The following LSM14B variants were observed in gnomAD, a reference collection of about 807,000 sequenced individuals.
LSM14B encodes the protein protein LSM14 homolog B.
Under a neutral mutation model 42.1 loss-of-function variants are expected in LSM14B, and 8 were observed. The ratio of observed to expected loss-of-function variants is 0.19; its 90% CI spans 0.11 to 0.34. The LOEUF is 0.34. Among genes scored for constraint, LSM14B ranks in the 10% least tolerant of loss-of-function variants. LSM14B has a pLI of 1.00. For synonymous variants in LSM14B, 219 were observed against 209.7 expected (o/e 1.04, Z -0.38); for missense variants, 396 against 513.1 (o/e 0.77, Z 2.21).
intron 4 of LSM14B, 41 bp downstream of exon 4, chr20:62,129,993 T>C (rs1208091282): frequency 6.4e-7 from 1 of 1,564,858 alleles, no homozygotes; most frequent in African/African-American, 1.4e-5. Context: ...CTTGATGTTC[T>C]AAAAGTGGCA....
intron 1 of LSM14B, among the ~76,000 whole-genome samples, chr20:62,124,407 C>G (rs925025340): frequency 6.6e-6 from 1 of 152,234 alleles, no homozygotes; most frequent in Non-Finnish European, 1.5e-5. Context: ...CTAGAGCTGT[C>G]TGTTGTCTGG....
intron 3 of LSM14B, chr20:62,128,009 T>C: frequency 1.6e-6 from 1 of 609,746 alleles, no homozygotes. Context: ...CTGGGGTTTT[T>C]GCTGGGTCCT....
At chr20:62,128,312 G>A (rs948755032) in intron 3 of LSM14B, among the ~76,000 whole-genome samples, 3 of 152,194 alleles carry the variant, frequency 2.0e-5, no homozygotes, top group Admixed American at 1.3e-4. Flanking sequence ...TGACGATCTT[G>A]CTGTATGTTT....
chr20:62,131,272 G>C, intron 6 of LSM14B, 84 bp from the exon 7 acceptor site: 3 of 1,466,842 alleles, frequency 2.0e-6, no homozygotes, highest in Non-Finnish European at 2.7e-6. Context: ...GGTGGCTTCC[G>C]AGTGAGCCCG....
At chr20:62,133,519 G>A in intron 8 of LSM14B, 44 bp downstream of exon 8, 1 of 1,581,478 alleles carries the variant, frequency 6.3e-7, no homozygotes, top group Admixed American at 1.9e-5. Flanking sequence ...GAGGGTGTAG[G>A]GTCAGGCACA....
Position 62,131,477 on chromosome 20 carries a change from C to T in LSM14B, c.957C>T (p.Phe319=), listed in dbSNP as rs770900054. The T allele has an allele frequency of 1.8e-5, 29 of 1,613,634 alleles. No individual in the cohort carries two copies. Among genetic ancestry groups the T allele is most frequent in the Non-Finnish European group, 2.1e-5 (25 of 1,179,884 alleles). The change falls in exon 7 of 9, where the codon TTC becomes TTT. Residue 319 remains phenylalanine (F), a synonymous_variant. Coordinates refer to ENST00000279068, the MANE Select transcript of LSM14B (RefSeq NM_144703.3). ...ACTATGACAAATCCAAGTCGTTCTT[C>T]GACAACATCTCTTCTGAACTCAAGA... ...NCYYDKSKSF[F]DNISSELKTS...
intron 3 of LSM14B, among the ~76,000 whole-genome samples, chr20:62,127,017 T>A (rs1440694708): frequency 4.6e-5 from 7 of 152,300 alleles, no homozygotes; most frequent in Admixed American, 3.9e-4. Flanking sequence ...TAGGTGGAAG[T>A]CCTGGTATAT....
In LSM14B at chr20:62,129,872, A is replaced by C. The variant is rs199952781; in HGVS notation, c.515A>C (p.Lys172Thr). The change falls in exon 4 of 9, where the codon AAA becomes ACA. Residue 172 changes from lysine (K) to threonine (T), a missense_variant. Transcript: ENST00000279068. ...GGTTCTGCTGACAACCTGAATGCTA[A>C]AAAGCTGTTACCTGGCAAGGGCACC... Reference protein sequence around the residue: ...QTGSADNLNAKKLLPGKGTTG... With the variant: ...QTGSADNLNATKLLPGKGTTG... 4 of 1,613,124 alleles carry C rather than the reference A, an allele frequency of 2.5e-6. No individual in the cohort carries two copies. Among genetic ancestry groups the C allele is most frequent in the Non-Finnish European group, 3.4e-6 (4 of 1,179,618 alleles).
At chr20:62,123,066 C>A (rs2056454418) in intron 1 of LSM14B, 1 of 180,222 alleles carries the variant, frequency 5.5e-6, no homozygotes, top group Non-Finnish European at 1.1e-5. Context: ...CGCGGGCGCC[C>A]GGCGGTGTTT....
chr20:62,131,235 A>G, intron 6 of LSM14B, 121 bp from the exon 7 acceptor site: 1 of 1,145,340 alleles, frequency 8.7e-7, no homozygotes, highest in Non-Finnish European at 1.2e-6. Flanking sequence ...TGCTTTGCAC[A>G]AGGCATAGTT....
At chr20:62,126,823 C>T (rs1045359018) in intron 3 of LSM14B, among the ~76,000 whole-genome samples, 1 of 152,086 alleles carries the variant, frequency 6.6e-6, no homozygotes, top group African/African-American at 2.4e-5. Flanking sequence ...ATGGGGAAAT[C>T]CTGTCTCTAC....
rs745911984 is a variant in LSM14B, at chr20:62,122,802, C to A, written c.127+9C>A. 2.0e-6 allele frequency: 3 copies of A among 1,491,680 alleles called. No homozygotes were observed. Among genetic ancestry groups the A allele is most frequent in the Non-Finnish European group, 2.7e-6 (3 of 1,112,610 alleles). 92.4% of individuals were successfully genotyped at this position (1,491,680 alleles called of 1,614,324 possible). On this transcript the variant is annotated intron_variant, in intron 1 of 8. Coordinates refer to ENST00000279068, the MANE Select transcript of LSM14B (RefSeq NM_144703.3). The surrounding 1 kb of genome is among the most constrained non-coding windows in gnomAD (Gnocchi z 4.6). ...CGTGGCGCTCGCCAAAGGTAGCGGCCGCCGCCCGCCCGAGCCCGCTGACCC... is the reference window on the plus strand; with the variant it reads ...CGTGGCGCTCGCCAAAGGTAGCGGCAGCCGCCCGCCCGAGCCCGCTGACCC...
At position 62,134,611 on chromosome 20, in the gene LSM14B, T is replaced by G. The variant is rs2056856074; in HGVS notation, c.*463T>G. 6.8e-6 allele frequency: 1 copy of G among 146,706 alleles called. No homozygotes were observed. Among genetic ancestry groups the G allele is most frequent in the Non-Finnish European group, 1.2e-5 (1 of 84,108 alleles). 9.1% of individuals were successfully genotyped at this position (146,706 alleles called of 1,614,324 possible). ...TGGCCTGGCACCCCACTGCCAAGGG[T>G]GGGGTCTCAGGAGTCAGGCAGGGCC... On this transcript the variant is annotated 3_prime_UTR_variant, in exon 9 of 9. Transcript: ENST00000279068.
intron 2 of LSM14B, 102 bp downstream of exon 2, chr20:62,124,882 C>CTTTT (rs11480126): frequency 5.7e-5 from 51 of 897,642 alleles, no homozygotes; most frequent in Non-Finnish European, 5.9e-5. Context: ...GAGGAATAAC[C>CTTTT]TTTTTTTTTT....
intron 3 of LSM14B, 82 bp from the exon 4 acceptor site, chr20:62,129,703 C>A: frequency 2.1e-6 from 3 of 1,398,722 alleles, no homozygotes; most frequent in Non-Finnish European, 1.9e-6. Context: ...TCCTGACATG[C>A]CAGCAGAAGA....
rs550471603 is a variant in LSM14B at position 62,134,232 on chromosome 20, G to C, written c.*84G>C. The C allele has an allele frequency of 1.5e-5, 7 of 471,740 alleles. No individual in the cohort carries two copies. In the Admixed American group the frequency reaches 1.6e-4, roughly 11 times the overall value. The allele number at this position is 471,740 out of a possible 1,614,324, so 29.2% of individuals were successfully genotyped here. A position where few individuals can be genotyped will look rare whatever the true frequency, so the allele number is the denominator to read the frequency against. ...CGCGAGGAAAACGCTGCACTTACAG[G>C]GAGAGGTGGTCACTTTGTTTACGGA... On this transcript the variant is annotated 3_prime_UTR_variant, in exon 9 of 9. Coordinates refer to ENST00000279068, the MANE Select transcript of LSM14B (RefSeq NM_144703.3).
rs1247866752 is a variant in LSM14B at position 62,130,514 on chromosome 20, T to C, written c.674-16T>C. On this transcript the variant is annotated splice_polypyrimidine_tract_variant and intron_variant, in intron 5 of 8. Transcript: ENST00000279068. This position sits in a 1 kb window ranked among gnomAD's most constrained non-coding sequence, Gnocchi z 4.1. ...TGGTGACCTACTTCAGCCAGGGCTGTCCTTTGTCCTCACAGGAAACAGGCG... is the reference window on the plus strand; with the variant it reads ...TGGTGACCTACTTCAGCCAGGGCTGCCCTTTGTCCTCACAGGAAACAGGCG... 8 of 1,612,604 alleles carry C rather than the reference T, an allele frequency of 5.0e-6. No individual in the cohort carries two copies. Among genetic ancestry groups the C allele is most frequent in the African/African-American group, 1.3e-5 (1 of 74,920 alleles).
chr20:62,122,942 G>A lies in LSM14B; in HGVS notation c.127+149G>A, dbSNP rs1435736310. 1.5e-4 allele frequency: 104 copies of A among 673,096 alleles called. No homozygotes were observed. The highest frequency in any genetic ancestry group is 1.9e-4 in the Non-Finnish European group (95 of 494,614). The allele number at this position is 673,096 out of a possible 1,614,324, so 41.7% of individuals were successfully genotyped here. A position where few individuals can be genotyped will look rare whatever the true frequency, so the allele number is the denominator to read the frequency against. On this transcript the variant is annotated intron_variant, in intron 1 of 8. Coordinates refer to ENST00000279068, the MANE Select transcript of LSM14B (RefSeq NM_144703.3). The surrounding 1 kb of genome is among the most constrained non-coding windows in gnomAD (Gnocchi z 4.6). ...GGGCACACCCGGCCCGAGATCCCCT[G>A]CCCGCGCCTTCACCCCGGACGCCCC...
intron 2 of LSM14B, among the ~76,000 whole-genome samples, chr20:62,125,444 T>C (rs963349964): frequency 1.3e-5 from 2 of 152,228 alleles, no homozygotes; most frequent in African/African-American, 4.8e-5. Flanking sequence ...CCTGAGCAGC[T>C]GCTGTGAGTG....
Sources: gnomAD v4.1 joint callset for allele counts (sites outside exome capture counted in the v4.1 genomes callset) on GRCh38, gnomAD v4.1.1 for gene constraint, Gnocchi (gnomAD v3.1) non-coding constraint, MANE v1.5 for transcripts, NCBI Gene and HGNC (gene_info 2026-07-23, HGNC 2026-07-21) for gene names.